The following MAP3K20 variants were observed in gnomAD, a reference collection of about 807,000 sequenced individuals.
MAP3K20 encodes HCCS-4.
In MAP3K20, 40 loss-of-function variants were observed where a neutral mutation model predicts 85.7. That is an observed-to-expected ratio of 0.47 (90% CI 0.36 to 0.61). The LOEUF (loss-of-function observed/expected upper bound fraction) is 0.61, where lower values mean the gene tolerates loss of function less well. Ranked by LOEUF, MAP3K20 falls within the 20% of genes least tolerant of loss-of-function variation. The pLI, the probability that MAP3K20 is intolerant of heterozygous loss-of-function variation, is 0.00. For missense variants in MAP3K20, 817 were observed against 961.7 expected, an observed-to-expected ratio of 0.85 and a Z score of 1.99; for synonymous variants, 325 against 327.7, an observed-to-expected ratio of 0.99 and a Z score of 0.09.
intron 2 of MAP3K20, among the ~76,000 whole-genome samples, chr2:173,112,052 A>T (rs1687990819): frequency 6.6e-6 from 1 of 152,074 alleles, no homozygotes; most frequent in South Asian, 2.1e-4. Context: ...TGAGCATGGG[A>T]TGTGTTTCCA....
Position 173,198,177 on chromosome 2 carries a change from CT to C in MAP3K20, c.669+70del. ...AACAGTATTGGGGTTTTGCAAAAGA[CT>C]TTTTCATCTTCTTCAAATTGAAAGT... On this transcript the variant is annotated intron_variant, in intron 8 of 19. Coordinates refer to ENST00000375213, the MANE Select transcript of MAP3K20 (RefSeq NM_016653.3). This position sits in a 1 kb window ranked among gnomAD's most constrained non-coding sequence, Gnocchi z 5.8. 1 of 1,393,492 alleles carries C rather than the reference CT, an allele frequency of 7.2e-7. No homozygotes were observed. Among genetic ancestry groups the C allele is most frequent in the Non-Finnish European group, 9.9e-7 (1 of 1,005,260 alleles). The allele number at this position is 1,393,492 out of a possible 1,614,324, so 86.3% of individuals were successfully genotyped here.
intron 2 of MAP3K20, among the ~76,000 whole-genome samples, chr2:173,143,065 C>T (rs1183012039): frequency 1.3e-5 from 2 of 151,988 alleles, no homozygotes; most frequent in African/African-American, 4.8e-5. Flanking sequence ...TAAAACAAGA[C>T]CCAACTATAT....
chr2:173,259,841 T>C (rs532150713), intron 17 of MAP3K20, among the ~76,000 whole-genome samples: 1 of 152,338 alleles, frequency 6.6e-6, no homozygotes, highest in South Asian at 2.1e-4. Flanking sequence ...CAGTATGTTG[T>C]CTTGAAGACT....
rs375324406 is a variant in MAP3K20 at position 173,242,035 on chromosome 2, C to G, written c.1359+2539C>G. On this transcript the variant is annotated intron_variant, in intron 16 of 19. Coordinates refer to ENST00000375213, the MANE Select transcript of MAP3K20 (RefSeq NM_016653.3). ...GTAAACAAATTGCACATTTCAATTG[C>G]CTTTTCTGGTTTTCTTGATTCCATG... Among the ~76,000 whole-genome samples, 6 of 152,154 alleles carry G rather than the reference C, an allele frequency of 3.9e-5. No homozygotes were observed. The East Asian group carries it at 9.6e-4, about 24-fold the overall frequency.
intron 1 of MAP3K20, among the ~76,000 whole-genome samples, chr2:173,089,927 CA>C (rs1007704514): frequency 1.5e-4 from 22 of 151,222 alleles, no homozygotes; most frequent in Middle Eastern, 6.8e-3. Context: ...AAAAAACAAA[CA>C]AAAAAAAACT....
chr2:173,082,293 C>T (rs569809276), intron 1 of MAP3K20, among the ~76,000 whole-genome samples: 25 of 152,318 alleles, frequency 1.6e-4, no homozygotes, highest in African/African-American at 5.8e-4. Context: ...CTTTCTGTAA[C>T]TTTCATCCAC....
intron 2 of MAP3K20, among the ~76,000 whole-genome samples, chr2:173,125,527 AACTTT>A (rs1206686611): frequency 1.3e-5 from 2 of 152,076 alleles, no homozygotes; most frequent in African/African-American, 2.4e-5. Context: ...TTTTAAATAA[AACTTT>A]ACTTTATTGA....
rs562081510 is a variant in MAP3K20 at position 173,158,046 on chromosome 2, T to C, written c.160-11759T>C. Among the ~76,000 whole-genome samples the C allele has an allele frequency of 5.9e-5, 9 of 152,330 alleles. No individual in the cohort carries two copies. The East Asian group carries it at 1.5e-3, about 26-fold the overall frequency. On this transcript the variant is annotated intron_variant, in intron 2 of 19. Transcript: ENST00000375213. ...CAGGGCTTTGAGATCATACTACTTGTACTAAAAACCTGGCTTTGCCATTTC... is the reference window on the plus strand; with the variant it reads ...CAGGGCTTTGAGATCATACTACTTGCACTAAAAACCTGGCTTTGCCATTTC...
chr2:173,181,818 C>T (rs1290747940), intron 3 of MAP3K20, among the ~76,000 whole-genome samples: 1 of 149,962 alleles, frequency 6.7e-6, no homozygotes, highest in African/African-American at 2.5e-5. Context: ...GAGGCTGAGA[C>T]AGGTGGGATT....
intron 2 of MAP3K20, among the ~76,000 whole-genome samples, chr2:173,093,866 A>G (rs1443796094): frequency 1.3e-5 from 2 of 151,978 alleles, no homozygotes; most frequent in Non-Finnish European, 2.9e-5. Context: ...GGAAATCATC[A>G]TTCTCAGTAA....
At chr2:173,175,079 C>T (rs778014811) in intron 3 of MAP3K20, among the ~76,000 whole-genome samples, 1 of 152,098 alleles carries the variant, frequency 6.6e-6, no homozygotes, top group African/African-American at 2.4e-5. Context: ...AATTTTGTTG[C>T]CCCTCCCTAC....
chr2:173,225,578 A>C (rs1272469293), intron 11 of MAP3K20: 13 of 951,766 alleles, frequency 1.4e-5, no homozygotes, highest in Non-Finnish European at 1.6e-5. Flanking sequence ...TGGATGACAG[A>C]GTGAGACTTC....
chr2:173,227,063 T>C (rs1684409698), intron 11 of MAP3K20: 2 of 985,782 alleles, frequency 2.0e-6, no homozygotes, highest in African/African-American at 3.5e-5. Flanking sequence ...CAAGTTGGTG[T>C]CATACATTTC....
intron 2 of MAP3K20, among the ~76,000 whole-genome samples, chr2:173,110,402 T>C (rs1489597004): frequency 1.3e-5 from 2 of 150,270 alleles, no homozygotes; most frequent in Admixed American, 6.6e-5. Flanking sequence ...TATAGGCACA[T>C]GCCACCATGC....
chr2:173,084,543 G>A (rs1687095984), intron 1 of MAP3K20, among the ~76,000 whole-genome samples: 1 of 151,612 alleles, frequency 6.6e-6, no homozygotes. Flanking sequence ...AACCAAAAAC[G>A]GCAGTTAAAC....
At chr2:173,236,171 G>A (rs1234941402) in intron 14 of MAP3K20, among the ~76,000 whole-genome samples, 1 of 151,316 alleles carries the variant, frequency 6.6e-6, no homozygotes, top group Non-Finnish European at 1.5e-5. Flanking sequence ...GGGAGGTTGA[G>A]GTGGGAGGAT....
At chr2:173,138,054 G>A (rs955151835) in intron 2 of MAP3K20, among the ~76,000 whole-genome samples, 3 of 152,062 alleles carry the variant, frequency 2.0e-5, no homozygotes, top group East Asian at 1.9e-4. Context: ...TGCAACCTCC[G>A]CCTCACAGGT....
At chr2:173,140,538 T>TG (rs1559248789) in intron 2 of MAP3K20, among the ~76,000 whole-genome samples, 1 of 151,846 alleles carries the variant, frequency 6.6e-6, no homozygotes, top group Admixed American at 6.6e-5. Flanking sequence ...TTAGTAGAGA[T>TG]GGGGTTTCTC....
At chr2:173,104,354 A>T (rs1687724514) in intron 2 of MAP3K20, among the ~76,000 whole-genome samples, 1 of 152,232 alleles carries the variant, frequency 6.6e-6, no homozygotes, top group African/African-American at 2.4e-5. Context: ...ACCAAAGCTG[A>T]TGGACAGTCT....
Sources: allele counts gnomAD v4.1 joint callset (sites outside exome capture counted in the v4.1 genomes callset), GRCh38; gene constraint gnomAD v4.1.1; non-coding constraint Gnocchi (gnomAD v3.1); transcripts MANE v1.5; gene names NCBI Gene and HGNC (gene_info 2026-07-23, HGNC 2026-07-21).